UNC5C: variants seen among roughly 807,000 people sequenced by gnomAD.
UNC5C encodes netrin receptor UNC5C.
UNC5C carries 47 observed loss-of-function variants against 99.8 expected under a neutral mutation model. The observed-to-expected ratio is 0.47, with a 90% CI of 0.37 to 0.60. UNC5C has a LOEUF of 0.60. UNC5C is among the 20% of genes least tolerant of loss of function. The probability of loss-of-function intolerance (pLI) is 0.00; values close to 1 mark genes in which losing one functional copy is unlikely to be tolerated. For missense variants in UNC5C, 1,062 were observed against 1,165.9 expected, an observed-to-expected ratio of 0.91 and a Z score of 1.30; for synonymous variants, 487 against 452.2, an observed-to-expected ratio of 1.08 and a Z score of -0.98.
chr4:95,364,377 GACA>G (rs1430138718), intron 1 of UNC5C, among the ~76,000 whole-genome samples: 1 of 152,180 alleles, frequency 6.6e-6, no homozygotes, highest in Non-Finnish European at 1.5e-5. Flanking sequence ...TTGATATGGG[GACA>G]ATTTGACACA....
chr4:95,459,104 A>G (rs1200555116), intron 1 of UNC5C, among the ~76,000 whole-genome samples: 4 of 152,098 alleles, frequency 2.6e-5, no homozygotes, highest in Non-Finnish European at 5.9e-5. Flanking sequence ...CTATTTTTAG[A>G]AAGAACATAA....
chr4:95,171,098 C>G (rs551303434), intron 14 of UNC5C, among the ~76,000 whole-genome samples: 25 of 152,272 alleles, frequency 1.6e-4, no homozygotes, highest in African/African-American at 5.8e-4. Context: ...AGGAGAAATT[C>G]TAATCATTTT....
chr4:95,171,436 T>C (rs1736104276), intron 14 of UNC5C, among the ~76,000 whole-genome samples: 1 of 139,418 alleles, frequency 7.2e-6, no homozygotes, highest in African/African-American at 2.6e-5. Flanking sequence ...TTCCCCTTCC[T>C]GTGTCCATGT....
intron 1 of UNC5C, among the ~76,000 whole-genome samples, chr4:95,547,062 C>T (rs114900650): frequency 0.01 from 1,537 of 152,062 alleles, 27 homozygotes; most frequent in African/African-American, 0.034. Context: ...TCCAAACACC[C>T]CCCTCTAAGC....
chr4:95,530,550 A>C (rs1722615133), intron 1 of UNC5C, among the ~76,000 whole-genome samples: 1 of 152,238 alleles, frequency 6.6e-6, no homozygotes, highest in Non-Finnish European at 1.5e-5. Flanking sequence ...CATACAACAG[A>C]ATTTCCTGTA....
At chr4:95,268,141 A>T (rs183294524) in intron 4 of UNC5C, among the ~76,000 whole-genome samples, 73 of 151,036 alleles carry the variant, frequency 4.8e-4, no homozygotes, top group African/African-American at 1.7e-3. Flanking sequence ...TTTAGTAGAG[A>T]CGGGGTTTCA....
At chr4:95,202,640 C>A in intron 12 of UNC5C, 91 bp downstream of exon 12, 1 of 1,287,660 alleles carries the variant, frequency 7.8e-7, no homozygotes, top group Non-Finnish European at 1.1e-6. Context: ...TGGGTGCACA[C>A]ACACAGCCAC....
intron 1 of UNC5C, among the ~76,000 whole-genome samples, chr4:95,393,730 G>A (rs907911049): frequency 3.9e-5 from 6 of 151,946 alleles, no homozygotes; most frequent in South Asian, 4.1e-4. Flanking sequence ...TCCCGTGATC[G>A]CTTATTCATT....
chr4:95,234,736 TA>T (rs1739047665), intron 7 of UNC5C, among the ~76,000 whole-genome samples: 1 of 152,098 alleles, frequency 6.6e-6, no homozygotes, highest in Non-Finnish European at 1.5e-5. Context: ...ATCTCCAGCG[TA>T]GGAACTACTT....
chr4:95,320,926 G>C (rs1742664768), intron 2 of UNC5C, among the ~76,000 whole-genome samples: 1 of 152,168 alleles, frequency 6.6e-6, no homozygotes, highest in Admixed American at 6.5e-5. Flanking sequence ...TGGCAGGGGA[G>C]AATTCCTTTA....
intron 1 of UNC5C, among the ~76,000 whole-genome samples, chr4:95,442,869 CTATGTATG>C (rs1245066321): frequency 6.6e-6 from 1 of 151,860 alleles, no homozygotes; most frequent in Non-Finnish European, 1.5e-5. Context: ...CAAATATATG[CTATGTATG>C]TATGTATAGC....
Position 95,245,225 on chromosome 4 carries a change from A to C in UNC5C, c.776-81T>G, listed in dbSNP as rs1739462071. The C allele has an allele frequency of 2.5e-5, 34 of 1,387,146 alleles. No individual in the cohort carries two copies. In the South Asian group the frequency reaches 3.9e-4, roughly 16 times the overall value. 85.9% of individuals were successfully genotyped at this position (1,387,146 alleles called of 1,614,324 possible). On this transcript the variant is annotated intron_variant, in intron 5 of 15. Coordinates refer to ENST00000453304, the MANE Select transcript of UNC5C (RefSeq NM_003728.4). ...CATGGACACACAAAACAGACACAAT[A>C]TGTAAACAAAGAGTTATTTTCCAAG... is the stretch of plus-strand genomic sequence containing the variant.
intron 12 of UNC5C, among the ~76,000 whole-genome samples, chr4:95,186,285 T>C (rs1300998338): frequency 1.3e-5 from 2 of 152,126 alleles, no homozygotes; most frequent in African/African-American, 4.8e-5. Flanking sequence ...GCTATTTCAA[T>C]AAAAAGCAGG....
intron 1 of UNC5C, among the ~76,000 whole-genome samples, chr4:95,437,487 T>G (rs1239609841): frequency 6.6e-6 from 1 of 151,968 alleles, no homozygotes; most frequent in East Asian, 1.9e-4. Context: ...CTTGTAGCAC[T>G]TGGGAAAAAA....
intron 1 of UNC5C, among the ~76,000 whole-genome samples, chr4:95,483,004 T>TATAATAATA (rs71970821): frequency 4.8e-5 from 5 of 103,452 alleles, no homozygotes; most frequent in East Asian, 2.5e-4. Flanking sequence ...AAACTTAAAG[T>TATAATAATA]ATAATAATAA....
intron 2 of UNC5C, among the ~76,000 whole-genome samples, chr4:95,320,142 AG>A (rs1742626470): frequency 6.6e-6 from 1 of 152,170 alleles, no homozygotes; most frequent in African/African-American, 2.4e-5. Flanking sequence ...ACAAAAATAA[AG>A]TACAAGATGG....
chr4:95,336,754 T>C (rs1743365644), intron 1 of UNC5C, among the ~76,000 whole-genome samples: 1 of 151,968 alleles, frequency 6.6e-6, no homozygotes, highest in African/African-American at 2.4e-5. Flanking sequence ...AAAACTAGCA[T>C]TCCAAGCTGC....
chr4:95,190,663 A>C (rs1201760663), intron 12 of UNC5C, among the ~76,000 whole-genome samples: 2 of 152,076 alleles, frequency 1.3e-5, no homozygotes, highest in Non-Finnish European at 2.9e-5. Context: ...TTCCTTGCAA[A>C]GACACCCTCA....
At chr4:95,465,891 A>G (rs182656683) in intron 1 of UNC5C, among the ~76,000 whole-genome samples, 3 of 152,194 alleles carry the variant, frequency 2.0e-5, no homozygotes, top group African/African-American at 7.2e-5. Context: ...TATCTTCACC[A>G]ATATTCAGAG....
Sources: gnomAD v4.1 joint callset for allele counts (sites outside exome capture counted in the v4.1 genomes callset) on GRCh38, gnomAD v4.1.1 for gene constraint, MANE v1.5 for transcripts, NCBI Gene and HGNC (gene_info 2026-07-23, HGNC 2026-07-21) for gene names.